The following FCHO1 variants were observed in gnomAD, a reference collection of about 807,000 sequenced individuals.
The protein encoded by FCHO1 is FCH and mu domain containing endocytic adaptor 1.
Under a neutral mutation model 114.4 loss-of-function variants are expected in FCHO1, and 45 were observed. The ratio of observed to expected loss-of-function variants is 0.39; its 90% confidence interval spans 0.31 to 0.50. FCHO1 has a LOEUF of 0.50. Ranked by LOEUF, FCHO1 falls within the 20% of genes least tolerant of loss-of-function variation. FCHO1 has a pLI of 0.77. For missense variants in FCHO1, 1,042 were observed against 1,209.6 expected, an observed-to-expected ratio of 0.86 and a Z score of 2.06; for synonymous variants, 480 against 488.9, an observed-to-expected ratio of 0.98 and a Z score of 0.24.
At chr19:17,769,621 ACACACACACAC>A (rs1568341689) in intron 7 of FCHO1, among the ~76,000 whole-genome samples, 17 of 130,042 alleles carry the variant, frequency 1.3e-4, no homozygotes, top group South Asian at 4.7e-4. Context: ...ACACACACAC[ACACACACACAC>A]AAAACGGTGA....
At chr19:17,750,629 T>A (rs1247907770), upstream of FCHO1, among the ~76,000 whole-genome samples, 1 of 151,430 alleles carries the variant, frequency 6.6e-6, no homozygotes, top group African/African-American at 2.4e-5. Context: ...CAGCTAACTT[T>A]TGTATTTTTA....
chr19:17,778,478 G>T, intron 19 of FCHO1, 131 bp from the exon 20 acceptor site: 1 of 1,048,038 alleles, frequency 9.5e-7, no homozygotes, highest in South Asian at 1.6e-5. Context: ...GTGTAGCCTT[G>T]GGGGCGTGCA....
intron 23 of FCHO1, among the ~76,000 whole-genome samples, chr19:17,782,385 G>T (rs1035506758): frequency 3.9e-5 from 6 of 151,990 alleles, no homozygotes; most frequent in African/African-American, 1.4e-4. Flanking sequence ...TGTGTCTTTA[G>T]TAGAGACAGG....
At chr19:17,783,704 C>T (rs1372439360) in intron 24 of FCHO1, among the ~76,000 whole-genome samples, 2 of 152,042 alleles carry the variant, frequency 1.3e-5, no homozygotes, top group Admixed American at 1.3e-4. Flanking sequence ...CCTCAGCCAC[C>T]TGAGTAGCTG....
intron 18 of FCHO1, among the ~76,000 whole-genome samples, chr19:17,777,775 T>A (rs1214073607): frequency 6.6e-6 from 1 of 151,986 alleles, no homozygotes; most frequent in Non-Finnish European, 1.5e-5. Context: ...CTGCACACAG[T>A]GGCTCACACC....
chr19:17,750,331 C>A (rs909549449), upstream of FCHO1, among the ~76,000 whole-genome samples: 9 of 151,946 alleles, frequency 5.9e-5, no homozygotes, highest in African/African-American at 2.2e-4. Flanking sequence ...TTAGGGGTCC[C>A]TAGGTTGATG....
chr19:17,762,785 G>T lies in FCHO1; in HGVS notation c.51G>T (p.Glu17Asp), dbSNP rs1423044800. The T allele has an allele frequency of 1.2e-6, 2 of 1,613,930 alleles. No individual in the cohort carries two copies. The highest frequency in any genetic ancestry group is 1.3e-5 in the African/African-American group (1 of 75,006). Residue 17 changes from glutamate (E) to aspartate (D), a missense_variant, in exon 5 of 29, where the codon GAG becomes GAT. By Grantham distance (45) the Glu-to-Asp change is conservative. Transcript: ENST00000596536. ...HFWGEKNHGF[E>D]VLYHSVKQGP... ...AGGGCGAGAAAAATCATGGCTTTGAGGTCCTGTACCACAGCGTGAAGCAGG... is the reference window on the plus strand; with the variant it reads ...AGGGCGAGAAAAATCATGGCTTTGATGTCCTGTACCACAGCGTGAAGCAGG...
chr19:17,764,574 A>C (rs1445932313), intron 6 of FCHO1, 125 bp downstream of exon 6: 32 of 716,352 alleles, frequency 4.5e-5, no homozygotes, highest in Non-Finnish European at 7.3e-5. Flanking sequence ...ATTTGGATAG[A>C]GGGATGTATA....
At chr19:17,767,088 T>C (rs1401829528) in intron 7 of FCHO1, among the ~76,000 whole-genome samples, 1 of 132,452 alleles carries the variant, frequency 7.5e-6, no homozygotes, top group African/African-American at 2.8e-5. Context: ...TTTTTTTTTC[T>C]GCTTGTTTGT....
Position 17,775,456 on chromosome 19 carries a change from A to G in FCHO1, c.946A>G (p.Thr316Ala). The change falls in exon 15 of 29, where the codon ACA becomes GCA. Residue 316 changes from threonine to alanine, a missense_variant and splice_region_variant. Thr to Ala is a moderately conservative substitution (Grantham distance 58). This residue lies in a region of FCHO1 where 450 missense variants were observed against 564.1 expected (regional missense o/e 0.80). Coordinates refer to ENST00000596536, the MANE Select transcript of FCHO1 (RefSeq NM_015122.3). The surrounding 1 kb of genome is among the most constrained non-coding windows in gnomAD (Gnocchi z 5.1). ...CACTGCTGCCCCCTGACTCCCCTAG[A>G]CATGTCCAGAGGTGGATGAAGAAGG... is the stretch of plus-strand genomic sequence containing the variant. ...AVDFLEPDSG[T>A]CPEVDEEGFT... 6.2e-7 allele frequency: 1 copy of G among 1,613,850 alleles called. No homozygotes were observed. Among genetic ancestry groups the G allele is most frequent in the Non-Finnish European group, 8.5e-7 (1 of 1,179,916 alleles).
rs956042080 is a variant in FCHO1 at position 17,782,631 on chromosome 19, C to T, written c.1938-386C>T. 3.9e-5 allele frequency among the ~76,000 whole-genome samples: 6 copies of T among 152,206 alleles called. No individual in the cohort carries two copies. The East Asian group carries it at 9.7e-4, about 24-fold the overall frequency. On this transcript the variant is annotated intron_variant, in intron 23 of 28. Transcript: ENST00000596536. The stretch of plus-strand genomic sequence containing the variant: ...GGTAAGGGCGTGGGTTAGGGACAAG[C>T]GGAGTGCAGGGATATATATTGGGGT...
Position 17,778,166 on chromosome 19 carries a change from A to C in FCHO1, c.1289A>C (p.Gln430Pro). The change falls in exon 19 of 29, where the codon CAG becomes CCG. Residue 430 changes from glutamine (Q) to proline (P), a missense_variant. Transcript: ENST00000596536. ...GCAGAGAGATTGCAGTCAGAGGAGC[A>C]GGTGTCCAAGAACCTCTTTGGGCCG... ...SCAERLQSEE[Q>P]VSKNLFGPPL... 1 of 1,613,976 alleles carries C rather than the reference A, an allele frequency of 6.2e-7. No individual in the cohort carries two copies. Among genetic ancestry groups the C allele is most frequent in the South Asian group, 1.1e-5 (1 of 91,076 alleles).
chr19:17,770,942 C>G (rs778395329), intron 9 of FCHO1, 46 bp downstream of exon 9: 58 of 1,530,374 alleles, frequency 3.8e-5, no homozygotes, highest in Non-Finnish European at 5.1e-5. Context: ...CATGCCTTTG[C>G]CCTGGAGGTT....
upstream of FCHO1, among the ~76,000 whole-genome samples, chr19:17,751,156 G>A (rs1568307652): frequency 6.6e-6 from 1 of 152,140 alleles, no homozygotes; most frequent in Non-Finnish European, 1.5e-5. This position sits in a 1 kb window ranked among gnomAD's most constrained non-coding sequence, Gnocchi z 4.4. Context: ...TCCCCTTTCT[G>A]AGCGCATTTC....
rs1019022681 is a variant in FCHO1 at position 17,762,814 on chromosome 19, C to T, written c.80C>T (p.Pro27Leu). 1.9e-6 allele frequency: 3 copies of T among 1,614,010 alleles called. No individual in the cohort carries two copies. The highest frequency in any genetic ancestry group is 2.5e-6 in the Non-Finnish European group (3 of 1,179,948). ...CTGTACCACAGCGTGAAGCAGGGGC[C>T]CATCTCCACCAAGGAGCTGGCGGAC... ...EVLYHSVKQG[P>L]ISTKELADFI... The change falls in exon 5 of 29, where the codon CCC becomes CTC. Residue 27 changes from proline to leucine, a missense_variant. Around this residue, in one of 3 missense-constraint regions of FCHO1, gnomAD observed 450 missense variants for 564.1 expected, o/e 0.80. Coordinates refer to ENST00000596536, the MANE Select transcript of FCHO1 (RefSeq NM_015122.3).
chr19:17,778,159 G>A lies in FCHO1; in HGVS notation c.1282G>A (p.Glu428Lys). ...TSSCAERLQS[E>K]EQVSKNLFGP... is the part of the protein sequence containing the mutation. ...TAGCTGTGCAGAGAGATTGCAGTCA[G>A]AGGAGCAGGTGTCCAAGAACCTCTT... is the stretch of plus-strand genomic sequence containing the variant. Residue 428 changes from glutamate to lysine, a missense_variant, in exon 19 of 29, where the codon GAG becomes AAG. Transcript: ENST00000596536. The A allele has an allele frequency of 1.2e-6, 2 of 1,614,014 alleles. No homozygotes were observed. Among genetic ancestry groups the A allele is most frequent in the Non-Finnish European group, 1.7e-6 (2 of 1,179,976 alleles).
intron 5 of FCHO1, among the ~76,000 whole-genome samples, chr19:17,763,201 A>G (rs988662170): frequency 6.7e-6 from 1 of 149,724 alleles, no homozygotes; most frequent in African/African-American, 2.5e-5. Flanking sequence ...AGTTCAAGAG[A>G]TCCTCCTACC....
chr19:17,766,438 T>A (rs2089201486), intron 6 of FCHO1: 4 of 470,374 alleles, frequency 8.5e-6, no homozygotes, highest in Non-Finnish European at 1.1e-5. Flanking sequence ...AAATTCCAGC[T>A]CTAATGTTGA....
At position 17,776,885 on chromosome 19, in the gene FCHO1, C is replaced by T. The variant is rs181837479; in HGVS notation, c.1259+199C>T. Among the ~76,000 whole-genome samples, 6 of 152,224 alleles carry T rather than the reference C, an allele frequency of 3.9e-5. No homozygotes were observed. In the East Asian group the frequency reaches 1.2e-3, roughly 30 times the overall value. On this transcript the variant is annotated intron_variant, in intron 18 of 28. Transcript: ENST00000596536. The surrounding 1 kb of genome is among the most constrained non-coding windows in gnomAD (Gnocchi z 4.4). ...CGATTTCAGCTCACTGCAACCTCCACCTCCTGAGTTCAAGCGATTTTCATG... is the reference window on the plus strand; with the variant it reads ...CGATTTCAGCTCACTGCAACCTCCATCTCCTGAGTTCAAGCGATTTTCATG...
Sources: gnomAD v4.1 joint callset for allele counts (sites outside exome capture counted in the v4.1 genomes callset) on GRCh38, gnomAD v4.1.1 for gene constraint, gnomAD v4.1.1 regional missense constraint, Gnocchi (gnomAD v3.1) non-coding constraint, MANE v1.5 for transcripts, NCBI Gene and HGNC (gene_info 2026-07-23, HGNC 2026-07-21) for gene names.